The following EPAS1 variants were observed in gnomAD, a reference collection of about 807,000 sequenced individuals.
EPAS1 encodes the protein endothelial PAS domain-containing protein 1.
Under a neutral mutation model 87.9 loss-of-function variants are expected in EPAS1, and 23 were observed. That is an observed-to-expected ratio of 0.26 (90% CI 0.19 to 0.37). EPAS1 has a LOEUF of 0.37. Ranked by LOEUF, EPAS1 falls within the 10% of genes least tolerant of loss-of-function variation. The pLI, the probability that EPAS1 is intolerant of heterozygous loss-of-function variation, is 1.00. For missense variants in EPAS1, 1,138 were observed against 1,120.7 expected, an observed-to-expected ratio of 1.02 and a Z score of -0.22; for synonymous variants, 508 against 444.3, an observed-to-expected ratio of 1.14 and a Z score of -1.80.
intron 1 of EPAS1, among the ~76,000 whole-genome samples, chr2:46,314,600 A>C (rs900827419): frequency 3.3e-5 from 5 of 152,238 alleles, no homozygotes; most frequent in Admixed American, 6.5e-5. Context: ...GAACCAGTCA[A>C]AATTGGCTCA....
At chr2:46,349,867 T>C (rs1168777775) in intron 2 of EPAS1, among the ~76,000 whole-genome samples, 1 of 152,224 alleles carries the variant, frequency 6.6e-6, no homozygotes, top group East Asian at 1.9e-4. Context: ...GTACGGGATT[T>C]GTGGGCAGAT....
intron 6 of EPAS1, among the ~76,000 whole-genome samples, chr2:46,366,825 G>A (rs1323109197): frequency 6.6e-6 from 1 of 152,246 alleles, no homozygotes; most frequent in Non-Finnish European, 1.5e-5. Context: ...AAATGAGCGG[G>A]GAAGGCCCTT....
intron 1 of EPAS1, among the ~76,000 whole-genome samples, chr2:46,344,766 C>G (rs571059924): frequency 3.9e-5 from 6 of 152,140 alleles, no homozygotes; most frequent in Admixed American, 1.3e-4. Context: ...GGAGACATGA[C>G]GAGAAAAATA....
In EPAS1 at chr2:46,300,931, T is replaced by C. The variant is rs1461890098; in HGVS notation, c.26+2994T>C. On this transcript the variant is annotated intron_variant, in intron 1 of 15. Coordinates refer to ENST00000263734, the MANE Select transcript of EPAS1 (RefSeq NM_001430.5). The surrounding 1 kb of genome is among the most constrained non-coding windows in gnomAD (Gnocchi z 4.1). ...TCAAACTCCATCATTATTCCAACTCTGAAGGGAAAAAATATTGCTGGACAG... is the reference window on the plus strand; with the variant it reads ...TCAAACTCCATCATTATTCCAACTCCGAAGGGAAAAAATATTGCTGGACAG... Among the ~76,000 whole-genome samples, 2 of 152,180 alleles carry C rather than the reference T, an allele frequency of 1.3e-5. No individual in the cohort carries two copies. The highest frequency in any genetic ancestry group is 2.9e-5 in the Non-Finnish European group (2 of 68,036).
intron 6 of EPAS1, 113 bp downstream of exon 6, chr2:46,361,203 G>A (rs1684380268): frequency 1.8e-5 from 21 of 1,164,274 alleles, no homozygotes; most frequent in Non-Finnish European, 2.6e-5. Flanking sequence ...GTATTGCCGG[G>A]TGCATGTTCG....
At chr2:46,372,812 C>G (rs1684654270) in intron 7 of EPAS1, among the ~76,000 whole-genome samples, 1 of 152,210 alleles carries the variant, frequency 6.6e-6, no homozygotes, top group South Asian at 2.1e-4. Flanking sequence ...AGTAAGAGCC[C>G]TGAATTTGGT....
At chr2:46,381,769 GAA>G in intron 13 of EPAS1, 47 bp downstream of exon 13, 2 of 1,610,646 alleles carry the variant, frequency 1.2e-6, no homozygotes, top group East Asian at 2.2e-5. Flanking sequence ...AGCCCTTAGG[GAA>G]CCCAGGGCTG....
chr2:46,340,489 C>G (rs1277091515), intron 1 of EPAS1, among the ~76,000 whole-genome samples: 1 of 152,134 alleles, frequency 6.6e-6, no homozygotes, highest in Non-Finnish European at 1.5e-5. Context: ...TTAACCACTC[C>G]AGTCTCATGT....
intron 1 of EPAS1, among the ~76,000 whole-genome samples, chr2:46,316,844 T>G (rs750215074): frequency 6.6e-6 from 1 of 152,234 alleles, no homozygotes; most frequent in Non-Finnish European, 1.5e-5. Context: ...ACAGTAAAAC[T>G]TCCTTCATAA....
chr2:46,314,270 G>GC, intron 1 of EPAS1, among the ~76,000 whole-genome samples: 1 of 152,334 alleles, frequency 6.6e-6, no homozygotes, highest in Non-Finnish European at 1.5e-5. Context: ...CCAGGAGAAT[G>GC]CCACTGTCGG....
rs1251484235 is a variant in EPAS1, at chr2:46,360,489, A to C, written c.455-149A>C. 5 of 740,724 alleles carry C rather than the reference A, an allele frequency of 6.8e-6. No individual in the cohort carries two copies. The highest frequency in any genetic ancestry group is 7.4e-6 in the Non-Finnish European group (3 of 406,948). The allele number at this position is 740,724 out of a possible 1,614,324, so 45.9% of individuals were successfully genotyped here. A position where few individuals can be genotyped will look rare whatever the true frequency, so the allele number is the denominator to read the frequency against. ...TAGTTCACAGGCCATGATGGAGCTC[A>C]GTGTTGATGGCAGACCACAGGTGCT... On this transcript the variant is annotated intron_variant, in intron 4 of 15. Transcript: ENST00000263734. This position sits in a 1 kb window ranked among gnomAD's most constrained non-coding sequence, Gnocchi z 4.5.
In EPAS1 at chr2:46,346,327, T is replaced by G. The variant is rs1409490523; in HGVS notation, c.27-546T>G. On this transcript the variant is annotated intron_variant, in intron 1 of 15. Transcript: ENST00000263734. This position sits in a 1 kb window ranked among gnomAD's most constrained non-coding sequence, Gnocchi z 4.0. ...CTGGCTAACTGTTCTGGGGCTGTAATGGCATTTTCAGTTTTTACTGTGGAA... is the reference window on the plus strand; with the variant it reads ...CTGGCTAACTGTTCTGGGGCTGTAAGGGCATTTTCAGTTTTTACTGTGGAA... Among the ~76,000 whole-genome samples, 3 of 152,220 alleles carry G rather than the reference T, an allele frequency of 2.0e-5. No homozygotes were observed. Among genetic ancestry groups the G allele is most frequent in the Non-Finnish European group, 4.4e-5 (3 of 68,038 alleles).
chr2:46,360,391 A>G lies in EPAS1; in HGVS notation c.455-247A>G, dbSNP rs1684362037. Among the ~76,000 whole-genome samples the G allele has an allele frequency of 6.6e-6, 1 of 152,212 alleles. No homozygotes were observed. The highest frequency in any genetic ancestry group is 1.5e-5 in the Non-Finnish European group (1 of 68,040). On this transcript the variant is annotated intron_variant, in intron 4 of 15. Coordinates refer to ENST00000263734, the MANE Select transcript of EPAS1 (RefSeq NM_001430.5). This position sits in a 1 kb window ranked among gnomAD's most constrained non-coding sequence, Gnocchi z 4.5. ...ATGTTCCAGATGCAATGGGAAATCAAATGATGGAGCAGCTCCTCCCTTGTG... is the reference window on the plus strand; with the variant it reads ...ATGTTCCAGATGCAATGGGAAATCAGATGATGGAGCAGCTCCTCCCTTGTG...
At chr2:46,352,023 C>T (rs775544717) in intron 2 of EPAS1, among the ~76,000 whole-genome samples, 6 of 152,212 alleles carry the variant, frequency 3.9e-5, no homozygotes, top group Non-Finnish European at 5.9e-5. Flanking sequence ...GCCTGTTTAC[C>T]GGGGCTATTT....
intron 1 of EPAS1, among the ~76,000 whole-genome samples, chr2:46,324,608 C>G: frequency 6.6e-6 from 1 of 152,188 alleles, no homozygotes; most frequent in East Asian, 1.9e-4. Flanking sequence ...TGTGATATGC[C>G]CTATAGACTG....
rs377197070 is a variant in EPAS1, at chr2:46,382,098, C to A, written c.2287+9C>A. On this transcript the variant is annotated intron_variant, in intron 14 of 15. Transcript: ENST00000263734. ...CGCAAATGTACCCAATGGTGAGCAG[C>A]GGCCACAGGCCTGGGCCTCCTGGGG... The A allele has an allele frequency of 6.2e-7, 1 of 1,612,016 alleles. No individual in the cohort carries two copies. Among genetic ancestry groups the A allele is most frequent in the African/African-American group, 1.3e-5 (1 of 74,896 alleles).
At chr2:46,298,622 C>A (rs1348344792) in intron 1 of EPAS1, among the ~76,000 whole-genome samples, 1 of 152,234 alleles carries the variant, frequency 6.6e-6, no homozygotes, top group Non-Finnish European at 1.5e-5. Context: ...AGGAAGCGGA[C>A]GGCAACACTG....
At chr2:46,331,263 T>C (rs964191910) in intron 1 of EPAS1, among the ~76,000 whole-genome samples, 4 of 152,198 alleles carry the variant, frequency 2.6e-5, no homozygotes, top group Non-Finnish European at 5.9e-5. Context: ...TGTCAGTTCC[T>C]GGAGGGTAGG....
intron 7 of EPAS1, among the ~76,000 whole-genome samples, chr2:46,372,135 A>T (rs7568285): frequency 0.41 from 62,872 of 152,108 alleles, 14,128 homozygotes; most frequent in Non-Finnish European, 0.52. Flanking sequence ...TCACAGCCCA[A>T]ATAGAAATCA....
Sources: gnomAD v4.1 joint callset for allele counts (sites outside exome capture counted in the v4.1 genomes callset) on GRCh38, gnomAD v4.1.1 for gene constraint, Gnocchi (gnomAD v3.1) non-coding constraint, MANE v1.5 for transcripts, NCBI Gene and HGNC (gene_info 2026-07-23, HGNC 2026-07-21) for gene names.